The following NRDE2 variants were observed in gnomAD, a reference collection of about 807,000 sequenced individuals.
NRDE2 encodes nuclear exosome regulator NRDE2.
A neutral mutation model predicts 124.2 loss-of-function variants in NRDE2; 76 were observed. The observed-to-expected ratio is 0.61, with a 90% CI of 0.51 to 0.74. The LOEUF (loss-of-function observed/expected upper bound fraction) is 0.74, where lower values mean the gene tolerates loss of function less well. Among genes scored for constraint, NRDE2 ranks in the 30% least tolerant of loss-of-function variants. The probability of loss-of-function intolerance (pLI) is 0.00; values close to 1 mark genes in which losing one functional copy is unlikely to be tolerated. For missense variants in NRDE2, 1,314 were observed against 1,417.3 expected, an observed-to-expected ratio of 0.93 and a Z score of 1.17; for synonymous variants, 489 against 528.1, an observed-to-expected ratio of 0.93 and a Z score of 1.01.
intron 6 of NRDE2, 58 bp downstream of exon 6, chr14:90,302,662 G>A: frequency 6.9e-7 from 1 of 1,449,214 alleles, no homozygotes; most frequent in Non-Finnish European, 9.3e-7. Flanking sequence ...TCATTTTCAA[G>A]TAAAGCCAAA....
chr14:90,330,430 A>G (rs80218267), intron 1 of NRDE2, among the ~76,000 whole-genome samples: 13,687 of 152,252 alleles, frequency 0.09, 842 homozygotes, highest in Middle Eastern at 0.15. Flanking sequence ...TAACTATGCT[A>G]CAATGAATAG....
intron 11 of NRDE2, among the ~76,000 whole-genome samples, chr14:90,287,132 T>C (rs1478242940): frequency 6.6e-6 from 1 of 151,018 alleles, no homozygotes; most frequent in African/African-American, 2.4e-5. Context: ...GACCTTTTGA[T>C]TTATAATAGA....
At chr14:90,301,608 A>G (rs1452420935) in intron 6 of NRDE2, among the ~76,000 whole-genome samples, 3 of 152,264 alleles carry the variant, frequency 2.0e-5, no homozygotes, top group African/African-American at 7.2e-5. Flanking sequence ...ATTAACAACA[A>G]AAACTATATA....
In NRDE2 at chr14:90,298,295, T is replaced by G. The variant is rs747843831; in HGVS notation, c.1631A>C (p.Gln544Pro). 6.2e-7 allele frequency: 1 copy of G among 1,613,730 alleles called. No homozygotes were observed. Among genetic ancestry groups the G allele is most frequent in the South Asian group, 1.1e-5 (1 of 91,082 alleles). The change falls in exon 8 of 14, where the codon CAG (glutamine) becomes CCG (proline). Residue 544 changes from glutamine (Q) to proline (P), a missense_variant. Coordinates refer to ENST00000354366, the MANE Select transcript of NRDE2 (RefSeq NM_017970.4). ...GACCACCCAGCCACCTCGTTCCTGCTGGTGCATCCACGCCTTCCAGCCTCG... is the reference window on the plus strand; with the variant it reads ...GACCACCCAGCCACCTCGTTCCTGCGGGTGCATCCACGCCTTCCAGCCTCG... ...GARGWKAWMH[Q>P]QERGGWVVIN...
rs1892302985 is a variant in NRDE2, at chr14:90,292,680, G to A, written c.1842+17C>T. On this transcript the variant is annotated intron_variant, in intron 9 of 13. Transcript: ENST00000354366. ...GACCCCCTGGACAGCTTCCTGCCTG[G>A]GGCGGAGGATACATGCCTGTCTCTC... is the stretch of plus-strand genomic sequence containing the variant. 3.1e-6 allele frequency: 5 copies of A among 1,605,652 alleles called. No homozygotes were observed. The highest frequency in any genetic ancestry group is 4.3e-6 in the Non-Finnish European group (5 of 1,173,096).
rs1213427289 is a variant in NRDE2, at chr14:90,274,829, CACA to C, written c.*3504_*3506del. ...ACACACACACACACACACACACACA[CACA>C]CACACACCCCAATACATATGAATTG... On this transcript the variant is annotated 3_prime_UTR_variant, in exon 14 of 14. Coordinates refer to ENST00000354366, the MANE Select transcript of NRDE2 (RefSeq NM_017970.4). 1.1e-4 allele frequency: 11 copies of C among 99,866 alleles called. No individual in the cohort carries two copies. Among genetic ancestry groups the C allele is most frequent in the Admixed American group, 5.1e-4 (5 of 9,880 alleles). The allele number at this position is 99,866 out of a possible 1,614,324, so 6.2% of individuals were successfully genotyped here. A position where few individuals can be genotyped will look rare whatever the true frequency, so the allele number is the denominator to read the frequency against.
chr14:90,287,033 C>CAAAAAAAAAA (rs60863011), intron 11 of NRDE2, among the ~76,000 whole-genome samples: 21 of 23,814 alleles, frequency 8.8e-4, no homozygotes, highest in East Asian at 1.9e-3. Context: ...GACTCCGTCT[C>CAAAAAAAAAA]AAAAAAAAAA....
At chr14:90,305,984 C>A (rs1884585368) in intron 4 of NRDE2, among the ~76,000 whole-genome samples, 1 of 152,082 alleles carries the variant, frequency 6.6e-6, no homozygotes, top group Non-Finnish European at 1.5e-5. Flanking sequence ...TATTGATCTG[C>A]AGTTTACTTT....
At position 90,290,257 on chromosome 14, in the gene NRDE2, C is replaced by T; in HGVS notation, c.2193G>A (p.Gln731=). ...MPLFSGKEKS[Q]LCFSWLQYEI... Reference sequence around the variant, plus strand: ...CATACTGTAACCAGGAGAAGCAGAGCTGGGACTTCTCTTTGCCTGAAAATA... The same window carrying T: ...CATACTGTAACCAGGAGAAGCAGAGTTGGGACTTCTCTTTGCCTGAAAATA... The change falls in exon 10 of 14, where the codon CAG becomes CAA. Residue 731 remains glutamine, a synonymous_variant. Transcript: ENST00000354366. The T allele has an allele frequency of 6.2e-7, 1 of 1,614,068 alleles. No individual in the cohort carries two copies. The highest frequency in any genetic ancestry group is 1.1e-5 in the South Asian group (1 of 91,082).
intron 8 of NRDE2, among the ~76,000 whole-genome samples, chr14:90,297,716 T>C (rs1034402965): frequency 6.6e-6 from 1 of 152,096 alleles, no homozygotes; most frequent in Non-Finnish European, 1.5e-5. Flanking sequence ...GGCAGATCGC[T>C]GGAGGTCAGG....
chr14:90,282,247 T>C (rs936581245), intron 12 of NRDE2, among the ~76,000 whole-genome samples: 37 of 152,062 alleles, frequency 2.4e-4, no homozygotes, highest in African/African-American at 8.9e-4. Context: ...GAGGCTGAGG[T>C]GAATGGACTG....
At chr14:90,286,596 A>C in intron 11 of NRDE2, 104 bp from the exon 12 acceptor site, 2 of 1,404,574 alleles carry the variant, frequency 1.4e-6, no homozygotes, top group Non-Finnish European at 1.9e-6. Context: ...CAACCAGATC[A>C]GACAGACTCA....
intron 10 of NRDE2, 134 bp downstream of exon 10, chr14:90,290,087 G>A (rs913317342): frequency 1.0e-5 from 9 of 889,672 alleles, no homozygotes; most frequent in South Asian, 1.7e-5. Flanking sequence ...CACACAAGGT[G>A]CCTTCAGGGT....
At chr14:90,294,093 T>C (rs373967863) in intron 8 of NRDE2, among the ~76,000 whole-genome samples, 5 of 152,054 alleles carry the variant, frequency 3.3e-5, no homozygotes, top group African/African-American at 7.2e-5. Context: ...ATTTACACAA[T>C]GGAATACTAC....
chr14:90,298,476 G>T, intron 7 of NRDE2, 96 bp from the exon 8 acceptor site: 1 of 1,236,916 alleles, frequency 8.1e-7, no homozygotes. Flanking sequence ...AGAAGCTTAT[G>T]ATCCTTGAAA....
At chr14:90,292,591 C>G in intron 9 of NRDE2, 106 bp downstream of exon 9, 1 of 1,274,310 alleles carries the variant, frequency 7.8e-7, no homozygotes, top group Non-Finnish European at 1.1e-6. Context: ...TAGCCAACTG[C>G]TAAGAGAGCT....
At chr14:90,314,504 T>C (rs1273655042) in intron 3 of NRDE2, among the ~76,000 whole-genome samples, 1 of 152,220 alleles carries the variant, frequency 6.6e-6, no homozygotes, top group Non-Finnish European at 1.5e-5. Context: ...AAAGATTCCC[T>C]GACATGATTA....
At chr14:90,309,142 T>C (rs1884729516) in intron 4 of NRDE2, among the ~76,000 whole-genome samples, 1 of 150,490 alleles carries the variant, frequency 6.6e-6, no homozygotes, top group South Asian at 2.1e-4. Context: ...TGCATGTGAG[T>C]TGGGTCGCAC....
intron 10 of NRDE2, 25 bp from the exon 11 acceptor site, chr14:90,289,170 C>A: frequency 6.4e-7 from 1 of 1,561,196 alleles, no homozygotes; most frequent in Non-Finnish European, 8.7e-7. Context: ...AGAAGAATGA[C>A]TGCAGGTGCT....
Sources: allele counts gnomAD v4.1 joint callset (sites outside exome capture counted in the v4.1 genomes callset), GRCh38; gene constraint gnomAD v4.1.1; transcripts MANE v1.5; gene names NCBI Gene and HGNC (gene_info 2026-07-23, HGNC 2026-07-21).